SHMT1: variants seen among roughly 807,000 people sequenced by gnomAD.
SHMT1 encodes the protein serine hydroxymethyltransferase, cytosolic.
Under a neutral mutation model 49.0 loss-of-function variants are expected in SHMT1, and 45 were observed. The ratio of observed to expected loss-of-function variants is 0.92; its 90% CI spans 0.72 to 1.18. The LOEUF (loss-of-function observed/expected upper bound fraction) is 1.18, where lower values mean the gene tolerates loss of function less well. SHMT1 is among the 50% of genes most tolerant of loss of function. The pLI is 0.00. For missense variants in SHMT1, 541 were observed against 612.4 expected (o/e 0.88, Z 1.23); for synonymous variants, 232 against 246.6 (o/e 0.94, Z 0.55).
At chr17:18,347,425 C>T in intron 5 of SHMT1, 71 bp downstream of exon 5, 2 of 1,556,560 alleles carry the variant, frequency 1.3e-6, no homozygotes, top group Non-Finnish European at 1.8e-6. Context: ...ACCAAACTTA[C>T]CCCTGCAGGC....
In SHMT1 at chr17:18,356,008, A is replaced by C. The variant is rs968013034; in HGVS notation, c.-19-8T>G. The C allele has an allele frequency of 7.1e-7, 1 of 1,418,156 alleles. No homozygotes were observed. 87.8% of individuals were successfully genotyped at this position (1,418,156 alleles called of 1,614,324 possible). On this transcript the variant is annotated splice_region_variant and splice_polypyrimidine_tract_variant and intron_variant, in intron 1 of 11. Coordinates refer to ENST00000316694, the MANE Select transcript of SHMT1 (RefSeq NM_004169.5). ...GCACTGGTTCGAAGCTGCCTAAAAA[A>C]ATGGGAAAAACATGTGTAGCTTCCA...
chr17:18,349,561 T>C (rs553401492), intron 3 of SHMT1, among the ~76,000 whole-genome samples: 5 of 150,528 alleles, frequency 3.3e-5, no homozygotes, highest in Middle Eastern at 3.6e-3. Flanking sequence ...CTACAAAAAA[T>C]TTTACAAATG....
At chr17:18,331,881 T>A (rs547671476) in intron 9 of SHMT1, 6 of 152,172 alleles carry the variant, frequency 3.9e-5, no homozygotes, top group Admixed American at 3.3e-4. Flanking sequence ...CCTCAGATCA[T>A]CGGGCATTAG....
chr17:18,348,683 AG>A (rs1209906847), intron 3 of SHMT1: 1 of 619,438 alleles, frequency 1.6e-6, no homozygotes, highest in Non-Finnish European at 3.1e-6. Flanking sequence ...CTATAAAAAG[AG>A]GGGGTTTTGG....
intron 1 of SHMT1, among the ~76,000 whole-genome samples, chr17:18,357,550 G>A (rs1055442158): frequency 2.6e-5 from 4 of 152,044 alleles, no homozygotes; most frequent in Non-Finnish European, 5.9e-5. Context: ...TATTCACTCA[G>A]TCTGGACACA....
intron 5 of SHMT1, among the ~76,000 whole-genome samples, chr17:18,343,608 CA>C (rs761435848): frequency 1.0e-3 from 48 of 46,062 alleles, no homozygotes; most frequent in South Asian, 2.7e-3. Flanking sequence ...AACTTTGTCT[CA>C]AAAAAAAAAA....
chr17:18,329,850 G>A (rs1982988611), intron 10 of SHMT1, among the ~76,000 whole-genome samples: 1 of 152,088 alleles, frequency 6.6e-6, no homozygotes, highest in Non-Finnish European at 1.5e-5. Context: ...CCCTGCCCCC[G>A]CTCCATTTTT....
chr17:18,362,611 A>G (rs1184173929), intron 1 of SHMT1, among the ~76,000 whole-genome samples: 1 of 152,162 alleles, frequency 6.6e-6, no homozygotes, highest in South Asian at 2.1e-4. Context: ...GGCATGAGCC[A>G]CCGCGCCCGG....
At chr17:18,335,375 G>A (rs560021052) in intron 8 of SHMT1, among the ~76,000 whole-genome samples, 184 bp downstream of exon 8, 1 of 152,360 alleles carries the variant, frequency 6.6e-6, no homozygotes, top group African/African-American at 2.4e-5. Flanking sequence ...TGGAGTGGAT[G>A]CCATTCCCTA....
chr17:18,347,719 G>A, intron 4 of SHMT1, 63 bp from the exon 5 acceptor site: 1 of 1,590,358 alleles, frequency 6.3e-7, no homozygotes, highest in Non-Finnish European at 8.6e-7. Context: ...TGGCATCCGG[G>A]ACCTTGGCCA....
In SHMT1 at chr17:18,353,637, G is replaced by A. The variant is rs1310103173; in HGVS notation, c.242+35C>T. The A allele has an allele frequency of 2.5e-6, 4 of 1,609,494 alleles. No homozygotes were observed. The East Asian group carries it at 8.9e-5, about 36-fold the overall frequency. On this transcript the variant is annotated intron_variant, in intron 3 of 11. Transcript: ENST00000316694. The stretch of plus-strand genomic sequence containing the variant: ...GGCTGACTGAGTACTCCCTATGACT[G>A]TGTCAGAACCAGGCCTTTGAAGATA...
chr17:18,341,047 C>A, intron 5 of SHMT1: 1 of 569,052 alleles, frequency 1.8e-6, no homozygotes, highest in Non-Finnish European at 3.2e-6. Context: ...GCTGCTGGGG[C>A]ACTACCTGCT....
intron 2 of SHMT1, 124 bp from the exon 3 acceptor site, chr17:18,353,941 C>A: frequency 1.1e-6 from 1 of 891,756 alleles, no homozygotes; most frequent in Non-Finnish European, 1.8e-6. Flanking sequence ...AATGAATCCT[C>A]CTCAAAGGTT....
chr17:18,355,781 A>G, intron 2 of SHMT1, 105 bp downstream of exon 2: 1 of 757,120 alleles, frequency 1.3e-6, no homozygotes. Flanking sequence ...ATCCAGCAGG[A>G]TAATACTCAT....
chr17:18,336,580 G>A (rs144515570), intron 7 of SHMT1, among the ~76,000 whole-genome samples: 2 of 151,500 alleles, frequency 1.3e-5, no homozygotes, highest in African/African-American at 4.8e-5. Flanking sequence ...GCAGGAGAAT[G>A]CGTTGAACCC....
chr17:18,349,237 T>C (rs1403272854), intron 3 of SHMT1, among the ~76,000 whole-genome samples: 5 of 151,924 alleles, frequency 3.3e-5, no homozygotes, highest in Admixed American at 2.6e-4. Flanking sequence ...CTGGCCAATA[T>C]GGTGAAACCC....
intron 3 of SHMT1, among the ~76,000 whole-genome samples, chr17:18,352,982 G>A (rs1985875539): frequency 1.3e-5 from 2 of 152,126 alleles, no homozygotes; most frequent in South Asian, 2.1e-4. Context: ...TTCACAATAG[G>A]AGAAAGACAA....
In SHMT1 at chr17:18,348,324, C is replaced by T; in HGVS notation, c.358+1G>A. On this transcript the variant is annotated splice_donor_variant, in intron 4 of 11. Coordinates refer to ENST00000316694, the MANE Select transcript of SHMT1 (RefSeq NM_004169.5). LOFTEE classifies it high-confidence loss of function. ...CCAGGCCATATGGATGAGACAAGCA[C>T]CTGAGTAGGGCTGGACGTTGACCCC... is the stretch of plus-strand genomic sequence containing the variant. 2 of 1,602,926 alleles carry T rather than the reference C, an allele frequency of 1.2e-6. No homozygotes were observed. The highest frequency in any genetic ancestry group is 1.7e-6 in the Non-Finnish European group (2 of 1,170,040).
chr17:18,332,700 T>G (rs916495151), intron 9 of SHMT1: 3 of 269,656 alleles, frequency 1.1e-5, no homozygotes, highest in African/African-American at 2.2e-5. Flanking sequence ...CAAGCAAACA[T>G]GCCTAAAGCA....
Sources: allele counts gnomAD v4.1 joint callset (sites outside exome capture counted in the v4.1 genomes callset), GRCh38; gene constraint gnomAD v4.1.1; transcripts MANE v1.5; gene names NCBI Gene and HGNC (gene_info 2026-07-23, HGNC 2026-07-21).